WDR31: variants seen among roughly 807,000 people sequenced by gnomAD.
The protein encoded by WDR31 is WD repeat domain 31.
Under a neutral mutation model 47.3 loss-of-function variants are expected in WDR31, and 30 were observed. The observed-to-expected ratio is 0.63, with a 90% CI of 0.47 to 0.86. The LOEUF (loss-of-function observed/expected upper bound fraction) is 0.86. WDR31 is among the 40% of genes least tolerant of loss of function. The probability of loss-of-function intolerance (pLI) is 0.00; values close to 1 mark genes in which losing one functional copy is unlikely to be tolerated. For missense variants in WDR31, 406 were observed against 442.9 expected, an observed-to-expected ratio of 0.92 and a Z score of 0.75; for synonymous variants, 137 against 159.4, an observed-to-expected ratio of 0.86 and a Z score of 1.06.
intron 5 of WDR31, among the ~76,000 whole-genome samples, chr9:113,327,222 T>G (rs974081838): frequency 3.3e-5 from 5 of 152,224 alleles, no homozygotes; most frequent in Non-Finnish European, 7.3e-5. Flanking sequence ...ATTTTATCTT[T>G]GCTTCTTGAG....
At chr9:113,337,942 C>G (rs560876840) in intron 1 of WDR31, among the ~76,000 whole-genome samples, 1 of 152,160 alleles carries the variant, frequency 6.6e-6, no homozygotes, top group Non-Finnish European at 1.5e-5. Flanking sequence ...ACAGAGATAT[C>G]AAATAGTTTG....
rs764090565 is a variant in WDR31, at chr9:113,315,746, A to C, written c.*1003T>G. The C allele has an allele frequency of 6.6e-6, 1 of 151,740 alleles. No individual in the cohort carries two copies. The highest frequency in any genetic ancestry group is 1.5e-5 in the Non-Finnish European group (1 of 68,044). 9.4% of individuals were successfully genotyped at this position (151,740 alleles called of 1,614,324 possible). On this transcript the variant is annotated 3_prime_UTR_variant, in exon 11 of 11. Coordinates refer to ENST00000374193, the MANE Select transcript of WDR31 (RefSeq NM_001012361.4). ...CAGTGGCACAATCTCAGCTCACTGC[A>C]AACTCTGCCTCCCAGGTTCAAGTGA... is the stretch of plus-strand genomic sequence containing the variant.
At position 113,313,231 on chromosome 9, in the gene WDR31, T is replaced by C. The variant is rs1411459257; in HGVS notation, c.*3518A>G. The C allele has an allele frequency of 6.6e-6, 1 of 152,240 alleles. No individual in the cohort carries two copies. The highest frequency in any genetic ancestry group is 1.5e-5 in the Non-Finnish European group (1 of 68,040). The allele number at this position is 152,240 out of a possible 1,614,324, so 9.4% of individuals were successfully genotyped here. On this transcript the variant is annotated 3_prime_UTR_variant, in exon 11 of 11. Transcript: ENST00000374193. Reference sequence around the variant, plus strand: ...TGACATCAAGCACATGTACAGTTTATGGAAACAATTTTATTGGTAACAGAA... The same window carrying C: ...TGACATCAAGCACATGTACAGTTTACGGAAACAATTTTATTGGTAACAGAA...
At chr9:113,325,784 C>T (rs906355306) in intron 5 of WDR31, among the ~76,000 whole-genome samples, 3 of 152,030 alleles carry the variant, frequency 2.0e-5, no homozygotes, top group East Asian at 1.9e-4. Flanking sequence ...TCATAGCCCT[C>T]GTTTTGACAA....
chr9:113,330,988 T>C lies in WDR31; in HGVS notation c.245A>G (p.Asp82Gly), dbSNP rs1439859044. Residue 82 changes from aspartate (D) to glycine (G), a missense_variant, in exon 4 of 11, where the codon GAT becomes GGT. By Grantham distance (94) the Asp-to-Gly change is moderately conservative. Transcript: ENST00000374193. ...GGGAAACACTGCAAACCCCACCTTA[T>C]CTTTCCCTCCAGAGACACAAAGGTC... ...NSDLCVSGGKDKTVVAYNWKT... is the reference protein window; with the variant it reads ...NSDLCVSGGKGKTVVAYNWKT... 3.1e-6 allele frequency: 5 copies of C among 1,603,806 alleles called. No homozygotes were observed. Among genetic ancestry groups the C allele is most frequent in the East Asian group, 4.5e-5 (2 of 44,682 alleles).
chr9:113,321,668 C>A (rs1216685400), intron 7 of WDR31, 90 bp from the exon 8 acceptor site: 1 of 1,263,138 alleles, frequency 7.9e-7, no homozygotes, highest in Non-Finnish European at 1.1e-6. Context: ...CATCACTGTG[C>A]CTCTTCTCAA....
chr9:113,317,726 A>G (rs1159532760), intron 10 of WDR31, among the ~76,000 whole-genome samples: 1 of 152,264 alleles, frequency 6.6e-6, no homozygotes. Flanking sequence ...AAAGTTCTTT[A>G]AGGCAATGCT....
chr9:113,338,148 C>T (rs1833756826), intron 1 of WDR31, among the ~76,000 whole-genome samples: 2 of 152,174 alleles, frequency 1.3e-5, no homozygotes, highest in South Asian at 4.1e-4. Flanking sequence ...TAACAGTGAT[C>T]ATACTGGAAG....
chr9:113,320,752 T>C (rs905622265), intron 8 of WDR31, among the ~76,000 whole-genome samples: 1 of 152,254 alleles, frequency 6.6e-6, no homozygotes. Flanking sequence ...AGACCAAGCA[T>C]CTTAATTGTA....
Position 113,321,545 on chromosome 9 carries a change from A to G in WDR31, c.604T>C (p.Tyr202His). 1 of 1,614,196 alleles carries G rather than the reference A, an allele frequency of 6.2e-7. No individual in the cohort carries two copies. The highest frequency in any genetic ancestry group is 8.5e-7 in the Non-Finnish European group (1 of 1,180,026). ...TTATCTTCAGAGGTCTGTAGTATGT[A>G]TGGTTCTCTGGGGACCCAGCACAGG... The part of the protein sequence containing the change: ...THLCWVPREP[Y>H]ILQTSEDKTL... Residue 202 changes from tyrosine to histidine, a missense_variant, in exon 8 of 11, where the codon TAC becomes CAC. Tyr to His is a moderately conservative substitution (Grantham distance 83). Coordinates refer to ENST00000374193, the MANE Select transcript of WDR31 (RefSeq NM_001012361.4).
At chr9:113,320,608 A>G (rs1219642111) in intron 8 of WDR31, 110 bp from the exon 9 acceptor site, 1 of 1,354,510 alleles carries the variant, frequency 7.4e-7, no homozygotes, top group Non-Finnish European at 9.9e-7. Context: ...GGCCAGTCAG[A>G]TTGGAATGGC....
At chr9:113,333,424 G>T (rs1349728228) in intron 2 of WDR31, among the ~76,000 whole-genome samples, 2 of 142,890 alleles carry the variant, frequency 1.4e-5, no homozygotes, top group Admixed American at 1.4e-4. Context: ...GCCCAGGCCG[G>T]ACTGCGGACT....
intron 1 of WDR31, among the ~76,000 whole-genome samples, chr9:113,339,261 C>A (rs1833778862): frequency 6.6e-6 from 1 of 152,208 alleles, no homozygotes; most frequent in African/African-American, 2.4e-5. Context: ...CAGTACCTAT[C>A]CGACTGTTCT....
chr9:113,316,683 G>A lies in WDR31; in HGVS notation c.*66C>T. The A allele has an allele frequency of 6.5e-7, 1 of 1,545,718 alleles. No individual in the cohort carries two copies. Among genetic ancestry groups the A allele is most frequent in the East Asian group, 2.3e-5 (1 of 44,302 alleles). Reference sequence around the variant, plus strand: ...ATCCCACTCCCCTCAAGATAACTGGGAAAGACACAAAGCCATGCTGAGGAG... The same window carrying A: ...ATCCCACTCCCCTCAAGATAACTGGAAAAGACACAAAGCCATGCTGAGGAG... On this transcript the variant is annotated 3_prime_UTR_variant, in exon 11 of 11. Coordinates refer to ENST00000374193, the MANE Select transcript of WDR31 (RefSeq NM_001012361.4).
intron 7 of WDR31, among the ~76,000 whole-genome samples, chr9:113,322,487 G>A (rs1833345694): frequency 6.6e-6 from 1 of 152,200 alleles, no homozygotes; most frequent in Non-Finnish European, 1.5e-5. Flanking sequence ...GGTCCTGGAA[G>A]ACAGGAACTA....
chr9:113,331,164 G>T lies in WDR31; in HGVS notation c.117-48C>A, dbSNP rs769998600. Reference sequence around the variant, plus strand: ...GAGACCCAATGGCATGGGAGTGGATGGGGGTGGGGTGGGGTGGGGTAGGGA... The same window carrying T: ...GAGACCCAATGGCATGGGAGTGGATTGGGGTGGGGTGGGGTGGGGTAGGGA... On this transcript the variant is annotated intron_variant, in intron 3 of 10. Transcript: ENST00000374193. The T allele has an allele frequency of 8.4e-6, 12 of 1,434,000 alleles. No homozygotes were observed. The African/African-American group carries it at 1.1e-4, about 13-fold the overall frequency. 88.8% of individuals were successfully genotyped at this position (1,434,000 alleles called of 1,614,324 possible). A position where few individuals can be genotyped will look rare whatever the true frequency, so the allele number is the denominator to read the frequency against.
At chr9:113,332,150 T>C in intron 2 of WDR31, 100 bp from the exon 3 acceptor site, 1 of 807,184 alleles carries the variant, frequency 1.2e-6, no homozygotes. Flanking sequence ...TTGTATGCTT[T>C]TGCTTTTCCT....
intron 7 of WDR31, among the ~76,000 whole-genome samples, chr9:113,322,043 G>A (rs1196401111): frequency 6.6e-6 from 1 of 151,796 alleles, no homozygotes; most frequent in Admixed American, 6.6e-5. Flanking sequence ...AATATAGAGG[G>A]CATGGGGCAA....
intron 7 of WDR31, 24 bp downstream of exon 7, chr9:113,322,787 T>A: frequency 1.2e-6 from 2 of 1,612,526 alleles, no homozygotes; most frequent in South Asian, 1.1e-5. Context: ...GCTGCCCTGT[T>A]CTGTACCAAG....
Sources: gnomAD v4.1 joint callset for allele counts (sites outside exome capture counted in the v4.1 genomes callset) on GRCh38, gnomAD v4.1.1 for gene constraint, MANE v1.5 for transcripts, NCBI Gene and HGNC (gene_info 2026-07-23, HGNC 2026-07-21) for gene names.